The following DIP2C variants were observed in gnomAD, a reference collection of about 807,000 sequenced individuals.
The protein encoded by DIP2C is DIP2 acetate--CoA ligase C (putative).
A neutral mutation model predicts 192.4 loss-of-function variants in DIP2C; 33 were observed. The ratio of observed to expected loss-of-function variants is 0.17; its 90% CI spans 0.13 to 0.23. The LOEUF is 0.23. Among genes scored for constraint, DIP2C ranks in the 10% least tolerant of loss-of-function variants. DIP2C has a pLI of 1.00. For synonymous variants in DIP2C, 979 were observed against 864.1 expected (o/e 1.13, Z -2.33); for missense variants, 1,537 against 2,110.1 (o/e 0.73, Z 5.32).
intron 17 of DIP2C, among the ~76,000 whole-genome samples, chr10:380,016 G>A (rs1367648032): frequency 6.6e-6 from 1 of 151,878 alleles, no homozygotes; most frequent in African/African-American, 2.4e-5. Flanking sequence ...CCTGGATGAT[G>A]GTTAACGCAC....
rs993834985 is a variant in DIP2C, at chr10:370,362, C to G, written c.1992-729G>C. On this transcript the variant is annotated intron_variant, in intron 17 of 36. Transcript: ENST00000280886. ...CCAGCTTGCTCCCGCCTTGGGGCTT[C>G]TGTGCTGGTTCTCGCTGCTACCCAG... is the stretch of plus-strand genomic sequence containing the variant. Among the ~76,000 whole-genome samples the G allele has an allele frequency of 2.0e-5, 3 of 152,340 alleles. No homozygotes were observed. In the East Asian group the frequency reaches 5.8e-4, roughly 29 times the overall value.
At chr10:291,176 C>T (rs1228813094) in intron 32 of DIP2C, among the ~76,000 whole-genome samples, 2 of 152,198 alleles carry the variant, frequency 1.3e-5, no homozygotes, top group African/African-American at 4.8e-5. Flanking sequence ...ACCCTCCGGC[C>T]GTATGTCCTT....
At chr10:589,285 G>C (rs909038277) in intron 1 of DIP2C, among the ~76,000 whole-genome samples, 30 of 152,224 alleles carry the variant, frequency 2.0e-4, no homozygotes, top group African/African-American at 6.5e-4. Flanking sequence ...TGCAGAAAAT[G>C]TGTCTCTTCA....
chr10:436,300 A>G (rs1329546566), intron 4 of DIP2C, among the ~76,000 whole-genome samples: 1 of 152,258 alleles, frequency 6.6e-6, no homozygotes, highest in Non-Finnish European at 1.5e-5. Context: ...TCAGGATCCC[A>G]TAAGCTTCTT....
At chr10:420,541 C>T (rs1033079221) in intron 5 of DIP2C, among the ~76,000 whole-genome samples, 4 of 152,204 alleles carry the variant, frequency 2.6e-5, no homozygotes, top group African/African-American at 9.6e-5. Flanking sequence ...TGGATGGTAG[C>T]GTCTGGGAGG....
At chr10:308,859 C>T (rs1956449614) in intron 32 of DIP2C, among the ~76,000 whole-genome samples, 1 of 152,184 alleles carries the variant, frequency 6.6e-6, no homozygotes, top group South Asian at 2.1e-4. Context: ...GGCTCCTGGC[C>T]CTGGCGTGTG....
intron 10 of DIP2C, among the ~76,000 whole-genome samples, chr10:396,453 A>G (rs1038117077): frequency 6.6e-6 from 1 of 152,348 alleles, no homozygotes; most frequent in Middle Eastern, 3.4e-3. Flanking sequence ...TAAAGTGAAG[A>G]AAAGAATAAT....
chr10:582,327 C>T (rs1269405310), intron 1 of DIP2C, among the ~76,000 whole-genome samples: 1 of 152,202 alleles, frequency 6.6e-6, no homozygotes, highest in African/African-American at 2.4e-5. Context: ...ATGCACCCAA[C>T]CCAAATACAG....
intron 28 of DIP2C, among the ~76,000 whole-genome samples, chr10:344,423 C>T (rs890702362): frequency 6.6e-5 from 10 of 151,888 alleles, no homozygotes; most frequent in African/African-American, 2.2e-4. Context: ...CACGGCACCT[C>T]GGCAAGGGCG....
rs1847447906 is a variant in DIP2C, at chr10:532,614, TGAGAGAGAGTATGGGTGTGA to T, written c.86-46104_86-46085del. 4.0e-5 allele frequency among the ~76,000 whole-genome samples: 5 copies of T among 125,724 alleles called. 1 individual carries two copies. Among genetic ancestry groups the T allele is most frequent in the South Asian group, 2.7e-4 (1 of 3,760 alleles). 82.5% of individuals were successfully genotyped at this position (125,724 alleles called of 152,430 possible). A position where few individuals can be genotyped will look rare whatever the true frequency, so the allele number is the denominator to read the frequency against. On this transcript the variant is annotated intron_variant, in intron 1 of 36. Coordinates refer to ENST00000280886, the MANE Select transcript of DIP2C (RefSeq NM_014974.3). ...ATGGGTGTGAGAGAGAGTATGGGTG[TGAGAGAGAGTATGGGTGTGA>T]GAGAGAGTATGGGTGTGAGAGAGAG...
intron 1 of DIP2C, among the ~76,000 whole-genome samples, chr10:679,626 G>GCTC (rs1831055894): frequency 5.3e-5 from 5 of 94,748 alleles, no homozygotes; most frequent in African/African-American, 1.8e-4. Flanking sequence ...TGCTCCCTAT[G>GCTC]CCCATGCTCC....
chr10:279,508 T>C lies in DIP2C; in HGVS notation c.4418+1692A>G, dbSNP rs987432417. The stretch of plus-strand genomic sequence containing the variant: ...GAGCTTTTACAGGAGCTGTGCACGC[T>C]ATTTAATGCTGAGAACAACTGATGA... On this transcript the variant is annotated intron_variant, in intron 36 of 36. Coordinates refer to ENST00000280886, the MANE Select transcript of DIP2C (RefSeq NM_014974.3). Among the ~76,000 whole-genome samples the C allele has an allele frequency of 3.9e-5, 6 of 152,338 alleles. No individual in the cohort carries two copies. In the South Asian group the frequency reaches 1.2e-3, roughly 32 times the overall value.
At chr10:662,106 T>C (rs1856796294) in intron 1 of DIP2C, 1 of 717,474 alleles carries the variant, frequency 1.4e-6, no homozygotes, top group Non-Finnish European at 2.6e-6. Context: ...AGTGGCTTCC[T>C]AGTATCTGAC....
chr10:559,330 G>A (rs922402606), intron 1 of DIP2C, among the ~76,000 whole-genome samples: 1 of 141,078 alleles, frequency 7.1e-6, no homozygotes, highest in Admixed American at 6.9e-5. Flanking sequence ...GGTGGGGAAC[G>A]CCGGGGGAAC....
intron 1 of DIP2C, among the ~76,000 whole-genome samples, chr10:554,189 A>T (rs543985262): frequency 6.6e-6 from 1 of 152,290 alleles, no homozygotes; most frequent in Non-Finnish European, 1.5e-5. Context: ...AATATACATC[A>T]CAGGAGAAAA....
intron 32 of DIP2C, among the ~76,000 whole-genome samples, chr10:301,803 A>AG (rs1407653100): frequency 2.6e-5 from 4 of 152,344 alleles, no homozygotes; most frequent in African/African-American, 9.6e-5. Flanking sequence ...ACACCTGGCC[A>AG]GGGGATGTCT....
At chr10:618,636 GT>G (rs1321314428) in intron 1 of DIP2C, among the ~76,000 whole-genome samples, 1 of 151,594 alleles carries the variant, frequency 6.6e-6, no homozygotes, top group African/African-American at 2.4e-5. Flanking sequence ...GACAGACTTT[GT>G]TTGCTTTTAT....
chr10:534,001 TAAAAAA>T (rs34809873), intron 1 of DIP2C, among the ~76,000 whole-genome samples: 2 of 148,648 alleles, frequency 1.3e-5, no homozygotes, highest in African/African-American at 2.5e-5. Flanking sequence ...TGACATGCTT[TAAAAAA>T]AAAAAAAGAG....
chr10:360,297 C>T (rs557778088), intron 22 of DIP2C, among the ~76,000 whole-genome samples: 17 of 152,258 alleles, frequency 1.1e-4, no homozygotes, highest in East Asian at 1.9e-4. Flanking sequence ...CTGACAGTGT[C>T]CCCTGTTGAA....
Sources: gnomAD v4.1 joint callset for allele counts (sites outside exome capture counted in the v4.1 genomes callset) on GRCh38, gnomAD v4.1.1 for gene constraint, MANE v1.5 for transcripts, NCBI Gene and HGNC (gene_info 2026-07-23, HGNC 2026-07-21) for gene names.